SOS1: variants seen among roughly 807,000 people sequenced by gnomAD.
SOS1 encodes the protein son of sevenless homolog 1.
SOS1 carries 25 observed loss-of-function variants against 157.6 expected under a neutral mutation model. That is an observed-to-expected ratio of 0.16 (90% confidence interval 0.12 to 0.22). The LOEUF (loss-of-function observed/expected upper bound fraction) is 0.22, where lower values mean the gene tolerates loss of function less well. Ranked by LOEUF, SOS1 falls within the 10% of genes least tolerant of loss-of-function variation. The probability of loss-of-function intolerance (pLI) is 1.00; values close to 1 mark genes in which losing one functional copy is unlikely to be tolerated. For missense variants in SOS1, 1,237 were observed against 1,599.1 expected, an observed-to-expected ratio of 0.77 and a Z score of 3.86; for synonymous variants, 528 against 534.0, an observed-to-expected ratio of 0.99 and a Z score of 0.16.
At chr2:39,032,648 A>C (rs1670201524) in intron 8 of SOS1, among the ~76,000 whole-genome samples, 1 of 152,182 alleles carries the variant, frequency 6.6e-6, no homozygotes, top group African/African-American at 2.4e-5. Flanking sequence ...AGTTCTCTAA[A>C]GAGATGTATG....
chr2:39,005,581 AAAAAG>A (rs1669258046), intron 17 of SOS1, among the ~76,000 whole-genome samples: 1 of 152,182 alleles, frequency 6.6e-6, no homozygotes, highest in South Asian at 2.1e-4. Flanking sequence ...TGTGCACAGC[AAAAAG>A]ATTAGAAGTA....
rs1357148036 is a variant in SOS1, at chr2:38,983,225, A to G, written c.*2599T>C. ...TAATGATGCATTTATCTCCTCAGCCATTTCTGGTCCCTGATTAAATAGATT... is the reference window on the plus strand; with the variant it reads ...TAATGATGCATTTATCTCCTCAGCCGTTTCTGGTCCCTGATTAAATAGATT... On this transcript the variant is annotated 3_prime_UTR_variant, in exon 23 of 23. Coordinates refer to ENST00000402219, the MANE Select transcript of SOS1 (RefSeq NM_005633.4). 6.6e-6 allele frequency: 1 copy of G among 152,106 alleles called. No homozygotes were observed. The highest frequency in any genetic ancestry group is 1.5e-5 in the Non-Finnish European group (1 of 68,008). 9.4% of individuals were successfully genotyped at this position (152,106 alleles called of 1,614,324 possible).
intron 6 of SOS1, 39 bp from the exon 7 acceptor site, chr2:39,035,539 A>T: frequency 7.2e-7 from 1 of 1,382,632 alleles, no homozygotes; most frequent in Non-Finnish European, 1.0e-6. Context: ...ATAATTTACC[A>T]TTACAAACAC....
chr2:38,987,981 T>G (rs1051252506), intron 21 of SOS1, among the ~76,000 whole-genome samples: 1 of 152,144 alleles, frequency 6.6e-6, no homozygotes, highest in African/African-American at 2.4e-5. Flanking sequence ...TTGACTTTAT[T>G]AGAATTTATA....
At chr2:39,008,229 G>C (rs1287352758) in intron 15 of SOS1, among the ~76,000 whole-genome samples, 1 of 152,140 alleles carries the variant, frequency 6.6e-6, no homozygotes, top group Non-Finnish European at 1.5e-5. Context: ...TGAGAAAAGA[G>C]CCCTTCCTCT....
intron 1 of SOS1, among the ~76,000 whole-genome samples, chr2:39,076,156 T>C (rs1332480985): frequency 6.6e-6 from 1 of 152,094 alleles, no homozygotes; most frequent in Non-Finnish European, 1.5e-5. Context: ...ATGCCTACAA[T>C]CCCACCACTT....
At chr2:39,050,374 C>T (rs1429202050) in intron 6 of SOS1, among the ~76,000 whole-genome samples, 1 of 152,112 alleles carries the variant, frequency 6.6e-6, no homozygotes, top group Non-Finnish European at 1.5e-5. Context: ...GTCCTATTTA[C>T]CTCATTCCTA....
chr2:39,043,719 T>C (rs1670655140), intron 6 of SOS1, among the ~76,000 whole-genome samples: 1 of 152,232 alleles, frequency 6.6e-6, no homozygotes, highest in South Asian at 2.1e-4. Flanking sequence ...AACTACAGCA[T>C]GTCAGCTCAG....
intron 16 of SOS1, 79 bp from the exon 17 acceptor site, chr2:39,006,608 C>G: frequency 1.3e-6 from 1 of 775,832 alleles, no homozygotes; most frequent in Non-Finnish European, 2.3e-6. Flanking sequence ...CTAACAGAAA[C>G]GCCCAAATAC....
intron 6 of SOS1, among the ~76,000 whole-genome samples, chr2:39,044,365 C>G (rs1260399848): frequency 6.6e-6 from 1 of 152,188 alleles, no homozygotes; most frequent in East Asian, 1.9e-4. Context: ...TTTGTTATAT[C>G]AATTTCTAAT....
intron 1 of SOS1, among the ~76,000 whole-genome samples, chr2:39,070,868 T>C (rs777355253): frequency 6.6e-6 from 1 of 152,076 alleles, no homozygotes; most frequent in Non-Finnish European, 1.5e-5. Flanking sequence ...CTATTTATTG[T>C]ATTTGTTTAT....
intron 1 of SOS1, among the ~76,000 whole-genome samples, chr2:39,083,807 C>G (rs1295931282): frequency 2.6e-5 from 4 of 152,110 alleles, no homozygotes; most frequent in Non-Finnish European, 5.9e-5. Context: ...ATGTAAATGA[C>G]CACCAGTAAG....
chr2:39,051,046 G>T, intron 6 of SOS1, 98 bp downstream of exon 6: 4 of 1,057,592 alleles, frequency 3.8e-6, no homozygotes, highest in Non-Finnish European at 5.9e-6. Flanking sequence ...TCAACAATTA[G>T]TATCTATGAC....
intron 2 of SOS1, among the ~76,000 whole-genome samples, chr2:39,065,315 C>T (rs1671556163): frequency 6.6e-6 from 1 of 152,124 alleles, no homozygotes; most frequent in Non-Finnish European, 1.5e-5. Flanking sequence ...ACCTAAACTC[C>T]ACTGTGGTGG....
Position 39,114,960 on chromosome 2 carries a change from C to G in SOS1, c.87+5376G>C, listed in dbSNP as rs566884277. On this transcript the variant is annotated intron_variant, in intron 1 of 22. Coordinates refer to ENST00000402219, the MANE Select transcript of SOS1 (RefSeq NM_005633.4). ...GACACTAGGGTTTCATTCCTTCTGC[C>G]TGACTCCTTGCTTCTCGGTCTCCTT... 3.9e-5 allele frequency among the ~76,000 whole-genome samples: 6 copies of G among 152,202 alleles called. No individual in the cohort carries two copies. In the South Asian group the frequency reaches 6.2e-4, roughly 16 times the overall value.
intron 10 of SOS1, among the ~76,000 whole-genome samples, chr2:39,019,553 G>C (rs1669730260): frequency 6.6e-6 from 1 of 151,578 alleles, no homozygotes; most frequent in South Asian, 2.1e-4. Context: ...AGCAAATTAT[G>C]ATACATCCAG....
chr2:39,066,349 G>C lies in SOS1; in HGVS notation c.213+1279C>G, dbSNP rs147199713. On this transcript the variant is annotated intron_variant, in intron 2 of 22. Transcript: ENST00000402219. ...CACACTTGAGTGCTGCAAAAGCAAA[G>C]TCACAGAAACCCAAAGATTTGAAGT... is the stretch of plus-strand genomic sequence containing the variant. Among the ~76,000 whole-genome samples the C allele has an allele frequency of 9.5e-3, 1,441 of 152,282 alleles. 12 individuals carry two copies. Among genetic ancestry groups the C allele is most frequent in the Non-Finnish European group, 0.014 (934 of 68,020 alleles).
At chr2:39,073,527 A>T (rs1671858133) in intron 1 of SOS1, among the ~76,000 whole-genome samples, 1 of 152,236 alleles carries the variant, frequency 6.6e-6, no homozygotes, top group Non-Finnish European at 1.5e-5. Flanking sequence ...TAATCACTAT[A>T]TTCAATTAAA....
chr2:39,030,422 T>C (rs1485686841), intron 8 of SOS1, among the ~76,000 whole-genome samples: 1 of 151,616 alleles, frequency 6.6e-6, no homozygotes, highest in Non-Finnish European at 1.5e-5. Flanking sequence ...TTAAAAAAAT[T>C]AGTTGGGCAT....
Sources: allele counts gnomAD v4.1 joint callset (sites outside exome capture counted in the v4.1 genomes callset), GRCh38; gene constraint gnomAD v4.1.1; transcripts MANE v1.5; gene names NCBI Gene and HGNC (gene_info 2026-07-23, HGNC 2026-07-21).